KLHL28: variants seen among roughly 807,000 people sequenced by gnomAD.
KLHL28 encodes the protein kelch like family member 28, also known as kelch-like protein 28.
Under a neutral mutation model 48.3 loss-of-function variants are expected in KLHL28, and 22 were observed. The ratio of observed to expected loss-of-function variants is 0.46; its 90% CI spans 0.33 to 0.65. The LOEUF (loss-of-function observed/expected upper bound fraction) is 0.65. Ranked by LOEUF, KLHL28 falls within the 30% of genes least tolerant of loss-of-function variation. The pLI, the probability that KLHL28 is intolerant of heterozygous loss-of-function variation, is 0.03. For synonymous variants in KLHL28, 243 were observed against 242.4 expected (o/e 1.00, Z -0.02); for missense variants, 527 against 704.3 (o/e 0.75, Z 2.85).
In KLHL28 at chr14:44,939,514, C is replaced by A. The variant is rs535387159; in HGVS notation, c.900-4956G>T. Among the ~76,000 whole-genome samples, 353 of 152,264 alleles carry A rather than the reference C, an allele frequency of 2.3e-3. 2 individuals carry two copies. Among genetic ancestry groups the A allele is most frequent in the Middle Eastern group, 0.017 (5 of 294 alleles). On this transcript the variant is annotated intron_variant, in intron 2 of 4. Coordinates refer to ENST00000396128, the MANE Select transcript of KLHL28 (RefSeq NM_017658.5). Reference sequence around the variant, plus strand: ...TTTAAATCATTTCTTCCCTCTCGCACCTTACTATATGCAGTTAAAAGCAGC... The same window carrying A: ...TTTAAATCATTTCTTCCCTCTCGCAACTTACTATATGCAGTTAAAAGCAGC...
rs1883416644 is a variant in KLHL28, at chr14:44,927,578, A to G, written c.*1450T>C. The stretch of plus-strand genomic sequence containing the variant: ...GTGAATGTGTTTAAGACTAACAGAC[A>G]TTTACTAAAACATGCTAAAATCAAA... On this transcript the variant is annotated 3_prime_UTR_variant, in exon 5 of 5. Transcript: ENST00000396128. The G allele has an allele frequency of 6.6e-6, 1 of 152,564 alleles. No homozygotes were observed. The highest frequency in any genetic ancestry group is 2.4e-5 in the African/African-American group (1 of 41,476). 9.5% of individuals were successfully genotyped at this position (152,564 alleles called of 1,614,324 possible). A position where few individuals can be genotyped will look rare whatever the true frequency, so the allele number is the denominator to read the frequency against.
chr14:44,945,376 C>T lies in KLHL28; in HGVS notation c.553G>A (p.Val185Ile). 1.2e-6 allele frequency: 2 copies of T among 1,614,142 alleles called. No homozygotes were observed. The highest frequency in any genetic ancestry group is 1.7e-6 in the Non-Finnish European group (2 of 1,180,022). Residue 185 changes from valine (V) to isoleucine (I), a missense_variant, in exon 2 of 5, where the codon GTT (valine) becomes ATT (isoleucine). Transcript: ENST00000396128. The stretch of plus-strand genomic sequence containing the variant: ...GCTACATTCAAACAGTCATTGGAAA[C>T]AATTTCATCCAAGTCAGCATGTGTA... ...ELTHADLDEI[V>I]SNDCLNVATE...
chr14:44,957,418 A>G (rs142085632), intron 1 of KLHL28, among the ~76,000 whole-genome samples: 34 of 152,366 alleles, frequency 2.2e-4, no homozygotes, highest in African/African-American at 7.7e-4. Context: ...TCACATAATT[A>G]GTAAAAAACA....
chr14:44,949,251 G>C (rs1439233750), intron 1 of KLHL28, among the ~76,000 whole-genome samples: 1 of 152,018 alleles, frequency 6.6e-6, no homozygotes, highest in Non-Finnish European at 1.5e-5. Context: ...TTAAAGATTT[G>C]ACTTGTGAAT....
At chr14:44,960,776 C>T (rs981334418) in intron 1 of KLHL28, 1 of 199,144 alleles carries the variant, frequency 5.0e-6, no homozygotes. Context: ...AGGCAAAAAT[C>T]CAGAAATTAT....
At chr14:44,943,692 T>TA (rs1884199584) in intron 2 of KLHL28, among the ~76,000 whole-genome samples, 1 of 149,024 alleles carries the variant, frequency 6.7e-6, no homozygotes, top group Non-Finnish European at 1.5e-5. Flanking sequence ...ATAAAATAAA[T>TA]AAATAAATAA....
At chr14:44,934,873 G>C (rs1184393081) in intron 2 of KLHL28, among the ~76,000 whole-genome samples, 1 of 152,078 alleles carries the variant, frequency 6.6e-6, no homozygotes, top group Non-Finnish European at 1.5e-5. Flanking sequence ...CTACTCTTCT[G>C]AATGTCTATT....
chr14:44,935,170 C>T lies in KLHL28; in HGVS notation c.900-612G>A, dbSNP rs184420929. 5.3e-5 allele frequency among the ~76,000 whole-genome samples: 8 copies of T among 152,258 alleles called. No homozygotes were observed. The East Asian group carries it at 7.7e-4, about 15-fold the overall frequency. On this transcript the variant is annotated intron_variant, in intron 2 of 4. Coordinates refer to ENST00000396128, the MANE Select transcript of KLHL28 (RefSeq NM_017658.5). Reference sequence around the variant, plus strand: ...AAAGGAACAAACTATAGCTACATGTCGCTGGGGGAATCTTACACACATAAT... The same window carrying T: ...AAAGGAACAAACTATAGCTACATGTTGCTGGGGGAATCTTACACACATAAT...
chr14:44,959,274 C>G (rs1884932934), intron 1 of KLHL28: 1 of 151,908 alleles, frequency 6.6e-6, no homozygotes, highest in Admixed American at 6.5e-5. Context: ...TTCCATAGTC[C>G]AAATGTAGAA....
intron 2 of KLHL28, among the ~76,000 whole-genome samples, chr14:44,937,716 C>A (rs987160293): frequency 1.3e-5 from 2 of 152,160 alleles, no homozygotes; most frequent in Non-Finnish European, 2.9e-5. Flanking sequence ...GTTTATTTGG[C>A]TCAAGGTACT....
intron 1 of KLHL28, chr14:44,959,605 T>C (rs762883264): frequency 6.6e-6 from 1 of 152,150 alleles, no homozygotes; most frequent in African/African-American, 2.4e-5. Flanking sequence ...AAAGTAAGTT[T>C]TTAGGGCAAT....
chr14:44,939,523 A>G (rs1378226944), intron 2 of KLHL28, among the ~76,000 whole-genome samples: 4 of 152,106 alleles, frequency 2.6e-5, no homozygotes, highest in African/African-American at 4.8e-5. Context: ...ACCTTACTAT[A>G]TGCAGTTAAA....
intron 1 of KLHL28, among the ~76,000 whole-genome samples, chr14:44,952,399 A>G (rs1230202073): frequency 6.6e-6 from 1 of 152,222 alleles, no homozygotes; most frequent in East Asian, 1.9e-4. Context: ...GTTGCAGGAA[A>G]TGGGCAAACT....
chr14:44,932,222 T>G (rs1883619807), intron 3 of KLHL28, among the ~76,000 whole-genome samples: 1 of 109,956 alleles, frequency 9.1e-6, no homozygotes, highest in African/African-American at 3.7e-5. Context: ...TCTATACAGT[T>G]AAGGGGAAAA....
rs1202633658 is a variant in KLHL28 at position 44,926,324 on chromosome 14, C to T, written c.*2704G>A. The T allele has an allele frequency of 2.0e-5, 3 of 152,150 alleles. No homozygotes were observed. Among genetic ancestry groups the T allele is most frequent in the African/African-American group, 7.2e-5 (3 of 41,432 alleles). The allele number at this position is 152,150 out of a possible 1,614,324, so 9.4% of individuals were successfully genotyped here. On this transcript the variant is annotated 3_prime_UTR_variant, in exon 5 of 5. Transcript: ENST00000396128. ...CACTGGTGTATGGCTCCTACTACTA[C>T]TGCCCAAGATATTTCACATTTAGTC...
chr14:44,940,653 AC>A (rs976420334), intron 2 of KLHL28, among the ~76,000 whole-genome samples: 1 of 151,552 alleles, frequency 6.6e-6, no homozygotes, highest in African/African-American at 2.4e-5. Context: ...CTTGCTTTCA[AC>A]CCCCCCGCCA....
intron 1 of KLHL28, among the ~76,000 whole-genome samples, chr14:44,946,836 A>T (rs1884357880): frequency 6.6e-6 from 1 of 152,192 alleles, no homozygotes; most frequent in Non-Finnish European, 1.5e-5. Flanking sequence ...GATTACAGGC[A>T]TGGGCCACCA....
In KLHL28 at chr14:44,945,603, A is replaced by C; in HGVS notation, c.326T>G (p.Leu109Arg). 6.2e-7 allele frequency: 1 copy of C among 1,614,216 alleles called. No individual in the cohort carries two copies. The highest frequency in any genetic ancestry group is 8.5e-7 in the Non-Finnish European group (1 of 1,180,034). ...FISQDTVESL[L>R]PAANLLQIKL... is the part of the protein sequence containing the mutation. ...TATCTGGAGTAGGTTTGCTGCTGGC[A>C]GGAGAGATTCAACTGTGTCCTGAGA... Residue 109 changes from leucine to arginine, a missense_variant, in exon 2 of 5, where the codon CTG (leucine) becomes CGG (arginine). By Grantham distance (102) the Leu-to-Arg change is moderately radical (BLOSUM62 -2). Transcript: ENST00000396128.
intron 2 of KLHL28, among the ~76,000 whole-genome samples, chr14:44,940,678 A>T (rs541600929): frequency 1.5e-4 from 23 of 152,206 alleles, no homozygotes; most frequent in African/African-American, 5.5e-4. Flanking sequence ...AGTAAACCTC[A>T]ATTGTCTTGA....
Sources: allele counts gnomAD v4.1 joint callset (sites outside exome capture counted in the v4.1 genomes callset), GRCh38; gene constraint gnomAD v4.1.1; transcripts MANE v1.5; gene names NCBI Gene and HGNC (gene_info 2026-07-23, HGNC 2026-07-21).